Variants in NUBP2 observed in about 807,000 individuals in gnomAD.
NUBP2 encodes the protein cytosolic Fe-S cluster assembly factor NUBP2.
Under a neutral mutation model 24.9 loss-of-function variants are expected in NUBP2, and 23 were observed. That is an observed-to-expected ratio of 0.92 (90% CI 0.66 to 1.31). NUBP2 has a LOEUF of 1.31. NUBP2 is among the 50% of genes most tolerant of loss of function. The pLI, the probability that NUBP2 is intolerant of heterozygous loss-of-function variation, is 0.00. For synonymous variants in NUBP2, 186 were observed against 170.9 expected, an observed-to-expected ratio of 1.09 and a Z score of -0.69; for missense variants, 403 against 386.5, an observed-to-expected ratio of 1.04 and a Z score of -0.36.
At chr16:1,787,852 C>A (rs374791199) in intron 4 of NUBP2, 21 bp downstream of exon 4, 4 of 1,605,276 alleles carry the variant, frequency 2.5e-6, no homozygotes, top group Non-Finnish European at 3.4e-6. Flanking sequence ...GGCACCTTCC[C>A]GAGTCCCTGT....
At chr16:1,784,246 C>G (rs773128935) in intron 1 of NUBP2, among the ~76,000 whole-genome samples, 1 of 151,964 alleles carries the variant, frequency 6.6e-6, no homozygotes. Flanking sequence ...TGCACCACCC[C>G]GCTTGGCTAC....
At chr16:1,788,525 G>A in intron 6 of NUBP2, 44 bp from the exon 7 acceptor site, 2 of 1,549,854 alleles carry the variant, frequency 1.3e-6, no homozygotes, top group Non-Finnish European at 1.7e-6. Context: ...TGGTGGGAGT[G>A]GAAGGTGCGG....
chr16:1,787,703 G>A lies in NUBP2; in HGVS notation c.361G>A (p.Val121Met), dbSNP rs776999506. The change falls in exon 4 of 7, where the codon GTG becomes ATG. Residue 121 changes from valine to methionine, a missense_variant. Val to Met is a conservative substitution (Grantham distance 21). Transcript: ENST00000262302. The stretch of plus-strand genomic sequence containing the variant: ...GCTGATAAAGCAGTTTGTGTCCGAC[G>A]TGGCCTGGGGGGAGCTGGACTACCT... ...NALIKQFVSD[V>M]AWGELDYLVV... is the part of the protein sequence containing the mutation. 3.6e-5 allele frequency: 58 copies of A among 1,612,624 alleles called. No individual in the cohort carries two copies. Among genetic ancestry groups the A allele is most frequent in the East Asian group, 6.7e-5 (3 of 44,880 alleles).
At chr16:1,784,973 AC>A (rs1487369461) in intron 1 of NUBP2, 1 of 493,710 alleles carries the variant, frequency 2.0e-6, no homozygotes, top group Non-Finnish European at 2.6e-6. Context: ...AATTGCTTGG[AC>A]CCAGGAGGCG....
At chr16:1,785,352 A>G in intron 1 of NUBP2, 2 of 1,122,090 alleles carry the variant, frequency 1.8e-6, no homozygotes, top group South Asian at 4.1e-5. Context: ...TAAGGCCTGC[A>G]TTTACCATGG....
At chr16:1,785,516 A>G in intron 1 of NUBP2, 1 of 1,198,226 alleles carries the variant, frequency 8.3e-7, no homozygotes, top group Non-Finnish European at 1.1e-6. Context: ...ACAGAAGTGC[A>G]TGCTCCCTCT....
Position 1,788,771 on chromosome 16 carries a change from C to T in NUBP2, c.*57C>T. On this transcript the variant is annotated 3_prime_UTR_variant, in exon 7 of 7. Coordinates refer to ENST00000262302, the MANE Select transcript of NUBP2 (RefSeq NM_012225.4). The stretch of plus-strand genomic sequence containing the variant: ...CACCAAGGGCTCTGCTCCAGCCTCT[C>T]AGAGAAACAGAGGCCTGGGCTCGGT... 1.3e-6 allele frequency: 2 copies of T among 1,545,352 alleles called. No individual in the cohort carries two copies. The highest frequency in any genetic ancestry group is 1.7e-6 in the Non-Finnish European group (2 of 1,145,232).
At chr16:1,786,221 T>C in intron 1 of NUBP2, 1 of 394,334 alleles carries the variant, frequency 2.5e-6, no homozygotes, top group Non-Finnish European at 4.7e-6. Context: ...CGTGTGTGTT[T>C]GCACACGCGC....
rs562994729 is a variant in NUBP2, at chr16:1,786,955, G to T, written c.334G>T (p.Ala112Ser). ...AVVWRGPKKN[A>S]LIKQFVSDVA... ...GGTGTGGAGAGGCCCCAAGAAAAAC[G>T]GTAACGGCCGGGCGGCGCGTCCGCC... Residue 112 changes from alanine (A) to serine (S), a missense_variant and splice_region_variant, in exon 3 of 7, where the codon GCG (alanine) becomes TCG (serine). Physicochemically the swap from Ala to Ser is moderately conservative, Grantham distance 99 (BLOSUM62 1). Transcript: ENST00000262302. The T allele has an allele frequency of 2.6e-6, 4 of 1,514,490 alleles. No individual in the cohort carries two copies. The highest frequency in any genetic ancestry group is 3.5e-6 in the Non-Finnish European group (4 of 1,129,872). The allele number at this position is 1,514,490 out of a possible 1,614,324, so 93.8% of individuals were successfully genotyped here.
Position 1,782,997 on chromosome 16 carries a change from C to A in NUBP2, c.-24C>A. ...GCCCGCGGGCGTAAGCGGACTGCAG[C>A]CGCGAGCTCCTGGAGGCGGCGGGAT... On this transcript the variant is annotated 5_prime_UTR_variant, in exon 1 of 7. Coordinates refer to ENST00000262302, the MANE Select transcript of NUBP2 (RefSeq NM_012225.4). 1 of 1,400,122 alleles carries A rather than the reference C, an allele frequency of 7.1e-7. No individual in the cohort carries two copies. Among genetic ancestry groups the A allele is most frequent in the Non-Finnish European group, 9.3e-7 (1 of 1,073,602 alleles). 86.7% of individuals were successfully genotyped at this position (1,400,122 alleles called of 1,614,324 possible). A position where few individuals can be genotyped will look rare whatever the true frequency, so the allele number is the denominator to read the frequency against.
At position 1,788,600 on chromosome 16, in the gene NUBP2, G is replaced by C. The variant is rs1897108858; in HGVS notation, c.702G>C (p.Arg234Ser). The change falls in exon 7 of 7, where the codon AGG becomes AGC. Residue 234 changes from arginine to serine, a missense_variant. Physicochemically the swap from Arg to Ser is moderately radical, Grantham distance 110. Transcript: ENST00000262302. ...GSVPLDPALM[R>S]TLEEGHDFIQ... ...TGCCCCTGGACCCTGCGCTCATGAG[G>C]ACCCTGGAGGAGGGCCACGACTTCA... 1 of 1,609,512 alleles carries C rather than the reference G, an allele frequency of 6.2e-7. No individual in the cohort carries two copies. Among genetic ancestry groups the C allele is most frequent in the Admixed American group, 1.7e-5 (1 of 59,820 alleles).
Position 1,788,870 on chromosome 16 carries a change from T to C in NUBP2, c.*156T>C, listed in dbSNP as rs1897127111. On this transcript the variant is annotated 3_prime_UTR_variant, in exon 7 of 7. Transcript: ENST00000262302. ...CTCCCCGACCAGCCCAGCCCCAGGA[T>C]GTGTCGCACCAGCAGCTCTGCCTGG... 1.0e-6 allele frequency: 1 copy of C among 969,660 alleles called. No homozygotes were observed. The highest frequency in any genetic ancestry group is 2.7e-5 in the East Asian group (1 of 36,550). The allele number at this position is 969,660 out of a possible 1,614,324, so 60.1% of individuals were successfully genotyped here. A position where few individuals can be genotyped will look rare whatever the true frequency, so the allele number is the denominator to read the frequency against.
chr16:1,788,745 C>T lies in NUBP2; in HGVS notation c.*31C>T, dbSNP rs1897120734. The T allele has an allele frequency of 3.1e-6, 5 of 1,594,008 alleles. No individual in the cohort carries two copies. The highest frequency in any genetic ancestry group is 4.3e-6 in the Non-Finnish European group (5 of 1,169,360). On this transcript the variant is annotated 3_prime_UTR_variant, in exon 7 of 7. Coordinates refer to ENST00000262302, the MANE Select transcript of NUBP2 (RefSeq NM_012225.4). Reference sequence around the variant, plus strand: ...GCCACCTTGCAGCCGCTTTCCAGGGCCACCAAGGGCTCTGCTCCAGCCTCT... The same window carrying T: ...GCCACCTTGCAGCCGCTTTCCAGGGTCACCAAGGGCTCTGCTCCAGCCTCT...
At position 1,782,983 on chromosome 16, in the gene NUBP2, T is replaced by C. The variant is rs1156798372; in HGVS notation, c.-38T>C. 2 of 1,403,476 alleles carry C rather than the reference T, an allele frequency of 1.4e-6. No individual in the cohort carries two copies. The highest frequency in any genetic ancestry group is 1.9e-6 in the Non-Finnish European group (2 of 1,077,244). 86.9% of individuals were successfully genotyped at this position (1,403,476 alleles called of 1,614,324 possible). A position where few individuals can be genotyped will look rare whatever the true frequency, so the allele number is the denominator to read the frequency against. ...CTGGGAGGCTGACGGCCCGCGGGCG[T>C]AAGCGGACTGCAGCCGCGAGCTCCT... On this transcript the variant is annotated 5_prime_UTR_variant, in exon 1 of 7. Transcript: ENST00000262302.
rs1190334028 is a variant in NUBP2 at position 1,788,638 on chromosome 16, C to G, written c.740C>G (p.Pro247Arg). The G allele has an allele frequency of 1.9e-6, 3 of 1,611,672 alleles. No homozygotes were observed. The highest frequency in any genetic ancestry group is 2.2e-5 in the South Asian group (2 of 90,922). ...GGCCACGACTTCATCCAGGAGTTCC[C>G]TGGGAGCCCCGCCTTCGCTGCACTC... Reference protein sequence around the residue: ...EEGHDFIQEFPGSPAFAALTS... With the variant: ...EEGHDFIQEFRGSPAFAALTS... The change falls in exon 7 of 7, where the codon CCT becomes CGT. Residue 247 changes from proline (P) to arginine (R), a missense_variant. By Grantham distance (103) the Pro-to-Arg change is moderately radical (BLOSUM62 -2). Coordinates refer to ENST00000262302, the MANE Select transcript of NUBP2 (RefSeq NM_012225.4).
At chr16:1,783,431 A>T in intron 1 of NUBP2, 1 of 1,016,494 alleles carries the variant, frequency 9.8e-7, no homozygotes, top group African/African-American at 1.7e-5. Context: ...CGCAGTCATG[A>T]AAGTAAGACG....
rs775116531 is a variant in NUBP2, at chr16:1,788,118, G to A, written c.601-20G>A. 1 of 1,553,698 alleles carries A rather than the reference G, an allele frequency of 6.4e-7. No individual in the cohort carries two copies. The highest frequency in any genetic ancestry group is 8.7e-7 in the Non-Finnish European group (1 of 1,153,320). Reference sequence around the variant, plus strand: ...CCGGTGGGGGCTTTGGGCAGTGCTGGGCTCACCACCGTCTCCTAGGAGTGC... The same window carrying A: ...CCGGTGGGGGCTTTGGGCAGTGCTGAGCTCACCACCGTCTCCTAGGAGTGC... On this transcript the variant is annotated intron_variant, in intron 5 of 6. Transcript: ENST00000262302.
At chr16:1,787,231 AG>A in intron 3 of NUBP2, 1 of 438,618 alleles carries the variant, frequency 2.3e-6, no homozygotes, top group Non-Finnish European at 4.1e-6. Flanking sequence ...GGCAGGTCAT[AG>A]GGGCAGAGCT....
chr16:1,783,347 C>T (rs1212138315), intron 1 of NUBP2: 12 of 1,101,934 alleles, frequency 1.1e-5, no homozygotes, highest in Non-Finnish European at 1.2e-5. Context: ...GCCCCGCTAT[C>T]CTGGAGGTCG....
Sources: gnomAD v4.1 joint callset for allele counts (sites outside exome capture counted in the v4.1 genomes callset) on GRCh38, gnomAD v4.1.1 for gene constraint, MANE v1.5 for transcripts, NCBI Gene and HGNC (gene_info 2026-07-23, HGNC 2026-07-21) for gene names.